The following LRMDA variants were observed in gnomAD, a reference collection of about 807,000 sequenced individuals.
LRMDA encodes leucine rich melanocyte differentiation associated, also known as leucine-rich melanocyte differentiation-associated protein.
Under a neutral mutation model 29.8 loss-of-function variants are expected in LRMDA, and 18 were observed. That is an observed-to-expected ratio of 0.60 (90% confidence interval 0.42 to 0.90). The LOEUF is 0.90. Ranked by LOEUF, LRMDA falls within the 40% of genes least tolerant of loss-of-function variation. The pLI, the probability that LRMDA is intolerant of heterozygous loss-of-function variation, is 0.00. For missense variants in LRMDA, 273 were observed against 273.9 expected (o/e 1.00, Z 0.02); for synonymous variants, 125 against 109.4 (o/e 1.14, Z -0.89).
chr10:76,366,247 T>C (rs770602755), intron 6 of LRMDA, among the ~76,000 whole-genome samples: 9 of 152,170 alleles, frequency 5.9e-5, no homozygotes, highest in Non-Finnish European at 1.3e-4. Context: ...TCCATAAGCA[T>C]TTTAGAATTG....
chr10:76,130,089 A>C (rs1314186803), intron 5 of LRMDA, among the ~76,000 whole-genome samples: 2 of 149,200 alleles, frequency 1.3e-5, no homozygotes, highest in East Asian at 4.0e-4. Context: ...ATAATATCTG[A>C]ACACCAGTCA....
At chr10:76,303,825 G>A (rs1840514438) in intron 5 of LRMDA, among the ~76,000 whole-genome samples, 1 of 151,538 alleles carries the variant, frequency 6.6e-6, no homozygotes, top group Non-Finnish European at 1.5e-5. Flanking sequence ...ATGACATTCA[G>A]TACTGCTGAG....
chr10:75,703,545 A>C (rs1372128944), intron 2 of LRMDA, among the ~76,000 whole-genome samples: 2 of 152,234 alleles, frequency 1.3e-5, no homozygotes, highest in Non-Finnish European at 2.9e-5. Context: ...CCTTCTACTT[A>C]GCATGGATTT....
chr10:76,090,244 C>G (rs1363208880), intron 5 of LRMDA, among the ~76,000 whole-genome samples: 3 of 152,176 alleles, frequency 2.0e-5, no homozygotes, highest in African/African-American at 4.8e-5. Context: ...CTTGTTTTCT[C>G]AAGCATCAGC....
intron 5 of LRMDA, among the ~76,000 whole-genome samples, chr10:76,288,780 T>G (rs1037024614): frequency 2.0e-5 from 3 of 152,162 alleles, no homozygotes; most frequent in African/African-American, 7.2e-5. Flanking sequence ...AAACTGTGGT[T>G]TCCGTAGGAG....
chr10:75,884,278 T>TGG (rs1277653591), intron 2 of LRMDA, among the ~76,000 whole-genome samples: 1 of 150,246 alleles, frequency 6.7e-6, no homozygotes. Flanking sequence ...TGTGTGTGTG[T>TGG]GTGTGTGTGT....
chr10:76,410,591 G>C (rs780079615), intron 6 of LRMDA, among the ~76,000 whole-genome samples: 1 of 151,984 alleles, frequency 6.6e-6, no homozygotes, highest in South Asian at 2.1e-4. Context: ...TTATAGGCAT[G>C]AGCCACCGTG....
At chr10:75,883,966 G>A (rs1845335938) in intron 2 of LRMDA, among the ~76,000 whole-genome samples, 2 of 151,850 alleles carry the variant, frequency 1.3e-5, no homozygotes, top group Admixed American at 6.6e-5. Flanking sequence ...TTCATTGTGA[G>A]GCGTTTGTTG....
At chr10:76,440,858 G>C (rs1842295114) in intron 6 of LRMDA, among the ~76,000 whole-genome samples, 1 of 152,074 alleles carries the variant, frequency 6.6e-6, no homozygotes, top group South Asian at 2.1e-4. Flanking sequence ...TTATTCCTGT[G>C]TACCGCATAT....
intron 6 of LRMDA, among the ~76,000 whole-genome samples, chr10:76,493,560 T>C (rs963622137): frequency 3.3e-5 from 5 of 152,154 alleles, no homozygotes; most frequent in Non-Finnish European, 7.4e-5. Context: ...TACATGTGAG[T>C]ATATTTCTAG....
chr10:76,239,798 T>C (rs544782582), intron 5 of LRMDA, among the ~76,000 whole-genome samples: 1 of 152,214 alleles, frequency 6.6e-6, no homozygotes, highest in African/African-American at 2.4e-5. Context: ...TGGTGCTGTA[T>C]ACTTCCTATT....
chr10:76,456,163 A>G (rs373971637), intron 6 of LRMDA, among the ~76,000 whole-genome samples: 3 of 152,340 alleles, frequency 2.0e-5, no homozygotes, highest in East Asian at 1.9e-4. Flanking sequence ...GGAACAACAA[A>G]TAGCCAGATT....
At chr10:75,859,767 T>C (rs1187288432) in intron 2 of LRMDA, among the ~76,000 whole-genome samples, 2 of 152,120 alleles carry the variant, frequency 1.3e-5, no homozygotes, top group Admixed American at 1.3e-4. Context: ...AATAAACAGG[T>C]CTTCTCTGTT....
intron 6 of LRMDA, among the ~76,000 whole-genome samples, chr10:76,418,329 TGTG>T (rs930749641): frequency 4.0e-5 from 2 of 50,506 alleles, no homozygotes; most frequent in Admixed American, 2.1e-4. Flanking sequence ...TAGTTTTTCT[TGTG>T]TGTGTGTGTG....
chr10:76,036,156 G>T (rs1395905337), intron 3 of LRMDA, 22 bp downstream of exon 3: 1 of 1,604,602 alleles, frequency 6.2e-7, no homozygotes, highest in South Asian at 1.1e-5. Flanking sequence ...TCTGCCCGCT[G>T]CCCCCACTCC....
In LRMDA at chr10:76,510,974, A is replaced by G. The variant is rs77845012; in HGVS notation, c.602-46235A>G. Among the ~76,000 whole-genome samples, 784 of 152,302 alleles carry G rather than the reference A, an allele frequency of 5.1e-3. 10 individuals are homozygous for G. The highest frequency in any genetic ancestry group is 0.018 in the African/African-American group (756 of 41,558). ...AAGACCAGGTTGCAAAGTAAATAAA[A>G]ATGAAACTACACTTGATAAAGCAGG... is the stretch of plus-strand genomic sequence containing the variant. On this transcript the variant is annotated intron_variant, in intron 6 of 6. Coordinates refer to ENST00000611255, the MANE Select transcript of LRMDA (RefSeq NM_001305581.2).
intron 2 of LRMDA, among the ~76,000 whole-genome samples, chr10:75,610,911 T>TAAC (rs1841021920): frequency 6.6e-6 from 1 of 152,184 alleles, no homozygotes; most frequent in Non-Finnish European, 1.5e-5. Flanking sequence ...ATTTTTCTTT[T>TAAC]TCCTGAGTTG....
chr10:75,976,796 A>T (rs1847079499), intron 2 of LRMDA, among the ~76,000 whole-genome samples: 1 of 152,212 alleles, frequency 6.6e-6, no homozygotes, highest in South Asian at 2.1e-4. Context: ...TACAGCTAGT[A>T]AGTGGCAGAG....
chr10:76,362,127 C>G lies in LRMDA; in HGVS notation c.601+37642C>G, dbSNP rs190340807. Among the ~76,000 whole-genome samples the G allele has an allele frequency of 3.1e-4, 47 of 152,318 alleles. No homozygotes were observed. The East Asian group carries it at 9.1e-3, about 29-fold the overall frequency. ...GCAAACCCACATAACACGACACTGCCATAGCCTCTCAAAAACACCTTTCTC... is the reference window on the plus strand; with the variant it reads ...GCAAACCCACATAACACGACACTGCGATAGCCTCTCAAAAACACCTTTCTC... On this transcript the variant is annotated intron_variant, in intron 6 of 6. Transcript: ENST00000611255.
Sources: allele counts gnomAD v4.1 joint callset (sites outside exome capture counted in the v4.1 genomes callset), GRCh38; gene constraint gnomAD v4.1.1; transcripts MANE v1.5; gene names NCBI Gene and HGNC (gene_info 2026-07-23, HGNC 2026-07-21).